The following TOP1 variants were observed in gnomAD, a reference collection of about 807,000 sequenced individuals.
TOP1 encodes the protein DNA topoisomerase 1.
A neutral mutation model predicts 111.1 loss-of-function variants in TOP1; 10 were observed. That is an observed-to-expected ratio of 0.09 (90% CI 0.06 to 0.15). TOP1 has a LOEUF of 0.15. Among genes scored for constraint, TOP1 ranks in the 10% least tolerant of loss-of-function variants. The pLI is 1.00. For synonymous variants in TOP1, 271 were observed against 302.9 expected, an observed-to-expected ratio of 0.89 and a Z score of 1.10; for missense variants, 474 against 926.7, an observed-to-expected ratio of 0.51 and a Z score of 6.34.
In TOP1 at chr20:41,094,079, T is replaced by A. The variant is rs1229458292; in HGVS notation, c.730+1492T>A. Among the ~76,000 whole-genome samples, 1 of 151,976 alleles carries A rather than the reference T, an allele frequency of 6.6e-6. No homozygotes were observed. Among genetic ancestry groups the A allele is most frequent in the Non-Finnish European group, 1.5e-5 (1 of 67,974 alleles). On this transcript the variant is annotated intron_variant, in intron 9 of 20. Coordinates refer to ENST00000361337, the MANE Select transcript of TOP1 (RefSeq NM_003286.4). This position sits in a 1 kb window ranked among gnomAD's most constrained non-coding sequence, Gnocchi z 4.4. Reference sequence around the variant, plus strand: ...AAAAATAAAATAATAAATAAATAAATAAAACATATTTATTGAATGTATTTG... The same window carrying A: ...AAAAATAAAATAATAAATAAATAAAAAAAACATATTTATTGAATGTATTTG...
intron 2 of TOP1, among the ~76,000 whole-genome samples, chr20:41,033,248 C>T (rs190678891): frequency 1.8e-3 from 275 of 150,498 alleles, no homozygotes; most frequent in Non-Finnish European, 3.2e-3. Context: ...CTAGCAGTAA[C>T]GGTCACCAAC....
chr20:41,029,362 C>CCGCG lies in TOP1; in HGVS notation c.34-63_34-60dup. 1 of 1,392,120 alleles carries CCGCG rather than the reference C, an allele frequency of 7.2e-7. No homozygotes were observed. The highest frequency in any genetic ancestry group is 1.6e-5 in the South Asian group (1 of 64,498). The allele number at this position is 1,392,120 out of a possible 1,614,324, so 86.2% of individuals were successfully genotyped here. A position where few individuals can be genotyped will look rare whatever the true frequency, so the allele number is the denominator to read the frequency against. ...GGGCGCAGGGTGAGCCAGACCCCGG[C>CCGCG]CGCGCGCGCTCGCCGCCGGAGGGGT... On this transcript the variant is annotated intron_variant, in intron 1 of 20. Transcript: ENST00000361337. The surrounding 1 kb of genome is among the most constrained non-coding windows in gnomAD (Gnocchi z 6.1).
intron 2 of TOP1, among the ~76,000 whole-genome samples, chr20:41,033,116 A>G (rs982499270): frequency 1.3e-5 from 2 of 152,230 alleles, no homozygotes; most frequent in African/African-American, 4.8e-5. Flanking sequence ...CCAGCATATC[A>G]GATCTCACAA....
intron 13 of TOP1, among the ~76,000 whole-genome samples, chr20:41,104,301 C>T (rs192300282): frequency 1.4e-3 from 219 of 152,248 alleles, no homozygotes; most frequent in Non-Finnish European, 2.4e-3. Flanking sequence ...TGCTGCTCTG[C>T]GGAGACTGGA....
chr20:41,064,735 A>T (rs2033586571), intron 3 of TOP1, among the ~76,000 whole-genome samples: 1 of 151,968 alleles, frequency 6.6e-6, no homozygotes, highest in South Asian at 2.1e-4. Context: ...ATTAAATGCC[A>T]CTTTTGTGTG....
rs367911926 is a variant in TOP1 at position 41,121,677 on chromosome 20, C to A, written c.1951-19C>A. 6.2e-7 allele frequency: 1 copy of A among 1,602,912 alleles called. No individual in the cohort carries two copies. The highest frequency in any genetic ancestry group is 8.5e-7 in the Non-Finnish European group (1 of 1,169,798). On this transcript the variant is annotated intron_variant, in intron 18 of 20. Transcript: ENST00000361337. The surrounding 1 kb of genome is among the most constrained non-coding windows in gnomAD (Gnocchi z 4.2). ...TTTTCCTCTACAGCTCATAACCTTA[C>A]CACTATTATTTCCCCTAGATTGATG...
At chr20:41,096,002 T>C (rs1250326487) in intron 9 of TOP1, among the ~76,000 whole-genome samples, 1 of 152,240 alleles carries the variant, frequency 6.6e-6, no homozygotes, top group Admixed American at 6.5e-5. Context: ...ATAAAACCCA[T>C]AGGCCCTATT....
At chr20:41,037,960 G>C (rs2033210196) in intron 2 of TOP1, among the ~76,000 whole-genome samples, 1 of 152,068 alleles carries the variant, frequency 6.6e-6, no homozygotes, top group East Asian at 1.9e-4. Flanking sequence ...AGTCTTCAAA[G>C]ATAAACATAT....
Position 41,061,554 on chromosome 20 carries a change from C to T in TOP1, c.155+64C>T, listed in dbSNP as rs2033545290. On this transcript the variant is annotated intron_variant, in intron 3 of 20. Transcript: ENST00000361337. The surrounding 1 kb of genome is among the most constrained non-coding windows in gnomAD (Gnocchi z 4.6). Reference sequence around the variant, plus strand: ...GTGGGTTGGCCATTGCTTGGCTTACCTGGAATAGGTCTTAACTTGAGCTAC... The same window carrying T: ...GTGGGTTGGCCATTGCTTGGCTTACTTGGAATAGGTCTTAACTTGAGCTAC... The T allele has an allele frequency of 7.3e-7, 1 of 1,373,202 alleles. No homozygotes were observed. The highest frequency in any genetic ancestry group is 1.0e-6 in the Non-Finnish European group (1 of 987,660). 85.1% of individuals were successfully genotyped at this position (1,373,202 alleles called of 1,614,324 possible). A position where few individuals can be genotyped will look rare whatever the true frequency, so the allele number is the denominator to read the frequency against.
At chr20:41,089,995 A>G (rs1484137227) in intron 8 of TOP1, among the ~76,000 whole-genome samples, 1 of 151,772 alleles carries the variant, frequency 6.6e-6, no homozygotes, top group East Asian at 1.9e-4. Flanking sequence ...TGTTTTTGAG[A>G]TGGAGTCTTG....
In TOP1 at chr20:41,121,582, C is replaced by T; in HGVS notation, c.1951-114C>T. 6.3e-6 allele frequency: 5 copies of T among 793,650 alleles called. No individual in the cohort carries two copies. Among genetic ancestry groups the T allele is most frequent in the South Asian group, 1.5e-5 (1 of 65,596 alleles). 49.2% of individuals were successfully genotyped at this position (793,650 alleles called of 1,614,324 possible). The stretch of plus-strand genomic sequence containing the variant: ...TGAAGCCACCCTTGTTTTTTTTTAT[C>T]TGACAAACCACTGACAGAGACAGCC... On this transcript the variant is annotated intron_variant, in intron 18 of 20. Transcript: ENST00000361337. This position sits in a 1 kb window ranked among gnomAD's most constrained non-coding sequence, Gnocchi z 4.2.
intron 3 of TOP1, chr20:41,073,288 A>C: frequency 1.0e-6 from 1 of 985,072 alleles, no homozygotes; most frequent in Non-Finnish European, 1.2e-6. Flanking sequence ...AGAACGGGTC[A>C]GGGGAAGGTG....
At chr20:41,072,970 A>G (rs2033684472) in intron 3 of TOP1, 10 of 985,428 alleles carry the variant, frequency 1.0e-5, no homozygotes, top group Non-Finnish European at 1.2e-5. Flanking sequence ...TTTGTGATTA[A>G]TTGTGACCTA....
chr20:41,073,461 T>G lies in TOP1; in HGVS notation c.156-2710T>G, dbSNP rs2033690974. ...TATCCTTTCAGGTATCCAAACATCT[T>G]TATTCTAGAAAGTTTCTCCTCGATG... On this transcript the variant is annotated intron_variant, in intron 3 of 20. Transcript: ENST00000361337. 4 of 985,170 alleles carry G rather than the reference T, an allele frequency of 4.1e-6. No individual in the cohort carries two copies. In the African/African-American group the frequency reaches 7.0e-5, roughly 17 times the overall value. 61.0% of individuals were successfully genotyped at this position (985,170 alleles called of 1,614,324 possible).
At chr20:41,081,486 C>A (rs977831632) in intron 7 of TOP1, among the ~76,000 whole-genome samples, 1 of 152,182 alleles carries the variant, frequency 6.6e-6, no homozygotes, top group Non-Finnish European at 1.5e-5. Flanking sequence ...TCTGTCTACC[C>A]ACAGCTAGGC....
At chr20:41,104,836 G>A (rs754730600) in intron 13 of TOP1, among the ~76,000 whole-genome samples, 1 of 152,174 alleles carries the variant, frequency 6.6e-6, no homozygotes, top group African/African-American at 2.4e-5. Context: ...ATCTTCAAAG[G>A]TTGGGGTTTG....
chr20:41,057,334 A>G (rs977328639), intron 2 of TOP1, among the ~76,000 whole-genome samples: 4 of 151,664 alleles, frequency 2.6e-5, no homozygotes, highest in African/African-American at 9.7e-5. Context: ...GTGAGCCGAG[A>G]TCACACCACT....
Position 41,089,020 on chromosome 20 carries a change from C to CTT in TOP1, c.615-3431_615-3430dup, listed in dbSNP as rs59200685. ...TCCCCACTTCTCTGTTGCCCCAGTT[C>CTT]TTTTTTTTTTTTTTTTTTTTTTGAG... On this transcript the variant is annotated intron_variant, in intron 8 of 20. Coordinates refer to ENST00000361337, the MANE Select transcript of TOP1 (RefSeq NM_003286.4). Among the ~76,000 whole-genome samples the CTT allele has an allele frequency of 6.5e-3, 508 of 77,868 alleles. 29 individuals are homozygous for CTT. Among genetic ancestry groups the CTT allele is most frequent in the African/African-American group, 1.0e-2 (158 of 15,812 alleles). 51.1% of individuals were successfully genotyped at this position (77,868 alleles called of 152,430 possible). A position where few individuals can be genotyped will look rare whatever the true frequency, so the allele number is the denominator to read the frequency against.
chr20:41,033,286 G>A (rs2033143238), intron 2 of TOP1, among the ~76,000 whole-genome samples: 1 of 142,618 alleles, frequency 7.0e-6, no homozygotes, highest in South Asian at 2.2e-4. Flanking sequence ...TCAGTAGATA[G>A]AGTAAAATGG....
Sources: allele counts gnomAD v4.1 joint callset (sites outside exome capture counted in the v4.1 genomes callset), GRCh38; gene constraint gnomAD v4.1.1; non-coding constraint Gnocchi (gnomAD v3.1); transcripts MANE v1.5; gene names NCBI Gene and HGNC (gene_info 2026-07-23, HGNC 2026-07-21).